DPP10: variants seen among roughly 807,000 people sequenced by gnomAD.
DPP10 encodes the protein dipeptidyl peptidase like 10, also known as inactive dipeptidyl peptidase 10.
Under a neutral mutation model 120.9 loss-of-function variants are expected in DPP10, and 33 were observed. That is an observed-to-expected ratio of 0.27 (90% CI 0.21 to 0.37). The LOEUF (loss-of-function observed/expected upper bound fraction) is 0.37, where lower values mean the gene tolerates loss of function less well. DPP10 is among the 10% of genes least tolerant of loss of function. The pLI, the probability that DPP10 is intolerant of heterozygous loss-of-function variation, is 1.00. For synonymous variants in DPP10, 337 were observed against 326.1 expected (o/e 1.03, Z -0.36); for missense variants, 816 against 942.8 (o/e 0.87, Z 1.76).
At position 115,652,246 on chromosome 2, in the gene DPP10, G is replaced by C. The variant is rs971210074; in HGVS notation, c.442-37441G>C. Among the ~76,000 whole-genome samples the C allele has an allele frequency of 4.6e-5, 7 of 151,880 alleles. No individual in the cohort carries two copies. In the East Asian group the frequency reaches 9.6e-4, roughly 21 times the overall value. On this transcript the variant is annotated intron_variant, in intron 5 of 25. Coordinates refer to ENST00000410059, the MANE Select transcript of DPP10 (RefSeq NM_020868.6). Reference sequence around the variant, plus strand: ...GTACAATGATTGCACCCATTTTACAGAGGACAGAAGTGAGAACTAGTAAAT... The same window carrying C: ...GTACAATGATTGCACCCATTTTACACAGGACAGAAGTGAGAACTAGTAAAT...
At chr2:114,964,336 C>T (rs1406603123) in intron 1 of DPP10, among the ~76,000 whole-genome samples, 2 of 152,020 alleles carry the variant, frequency 1.3e-5, no homozygotes, top group African/African-American at 4.8e-5. Context: ...ACAGTCAAAT[C>T]TTCTTCCTCT....
At chr2:114,616,987 C>T (rs1407587019) in intron 1 of DPP10, among the ~76,000 whole-genome samples, 1 of 152,082 alleles carries the variant, frequency 6.6e-6, no homozygotes, top group Non-Finnish European at 1.5e-5. Flanking sequence ...TCCCAACTCT[C>T]CCTTTACAGG....
At chr2:114,938,431 T>A (rs1232958845) in intron 1 of DPP10, among the ~76,000 whole-genome samples, 3 of 152,076 alleles carry the variant, frequency 2.0e-5, no homozygotes, top group African/African-American at 7.2e-5. Context: ...AAGATAAATA[T>A]AATAAAACAT....
intron 3 of DPP10, among the ~76,000 whole-genome samples, chr2:115,368,282 C>G (rs1367231871): frequency 6.6e-6 from 1 of 152,104 alleles, no homozygotes; most frequent in Non-Finnish European, 1.5e-5. Flanking sequence ...ATATTTCTCT[C>G]CTTTCCTTCT....
chr2:114,754,389 G>T (rs1171993058), intron 1 of DPP10, among the ~76,000 whole-genome samples: 5 of 152,184 alleles, frequency 3.3e-5, no homozygotes, highest in African/African-American at 1.2e-4. Flanking sequence ...GGCATTGAGA[G>T]CATAACTAGT....
intron 1 of DPP10, among the ~76,000 whole-genome samples, chr2:114,998,933 G>C (rs1433043723): frequency 2.0e-5 from 3 of 152,012 alleles, no homozygotes; most frequent in Admixed American, 6.6e-5. Flanking sequence ...CACTTTTCAG[G>C]GTTCATATGA....
chr2:115,673,200 T>C (rs1480004229), intron 5 of DPP10, among the ~76,000 whole-genome samples: 2 of 152,182 alleles, frequency 1.3e-5, no homozygotes, highest in African/African-American at 2.4e-5. Context: ...TGGGATTTAA[T>C]TGATATCCTT....
intron 1 of DPP10, among the ~76,000 whole-genome samples, chr2:114,579,195 A>G (rs1690292866): frequency 6.6e-6 from 1 of 152,152 alleles, no homozygotes; most frequent in African/African-American, 2.4e-5. Context: ...CTGGTTTCCG[A>G]TATGCAGTAC....
chr2:115,619,615 A>G (rs1394423388), intron 5 of DPP10, among the ~76,000 whole-genome samples: 1 of 152,104 alleles, frequency 6.6e-6, no homozygotes, highest in Admixed American at 6.5e-5. Context: ...CTGGAATTCT[A>G]CAGTCACCTG....
chr2:115,842,387 A>C lies in DPP10; in HGVS notation c.*42A>C. On this transcript the variant is annotated 3_prime_UTR_variant, in exon 26 of 26. Transcript: ENST00000410059. The stretch of plus-strand genomic sequence containing the variant: ...AGAACTGAAGGGAATATTGAGGCTC[A>C]ATGAAACCTGACAAAGAGACTGTAA... 6.3e-7 allele frequency: 1 copy of C among 1,583,462 alleles called. No individual in the cohort carries two copies. Among genetic ancestry groups the C allele is most frequent in the Non-Finnish European group, 8.6e-7 (1 of 1,160,646 alleles).
At chr2:114,923,619 C>G (rs1397186465) in intron 1 of DPP10, among the ~76,000 whole-genome samples, 2 of 151,548 alleles carry the variant, frequency 1.3e-5, no homozygotes, top group Non-Finnish European at 2.9e-5. Context: ...GCTAGGACTA[C>G]AGGCGCCCGC....
intron 1 of DPP10, among the ~76,000 whole-genome samples, chr2:114,533,450 TG>T (rs1686211497): frequency 6.6e-6 from 1 of 151,934 alleles, no homozygotes; most frequent in South Asian, 2.1e-4. Context: ...CAACACACAC[TG>T]GGGCCTGTTG....
intron 19 of DPP10, among the ~76,000 whole-genome samples, chr2:115,801,880 T>C (rs1685285581): frequency 6.6e-6 from 1 of 152,192 alleles, no homozygotes; most frequent in African/African-American, 2.4e-5. Context: ...TCAAGGATAT[T>C]GGTCTAAAAT....
chr2:115,188,240 C>T (rs563042528), intron 1 of DPP10, among the ~76,000 whole-genome samples: 12 of 152,210 alleles, frequency 7.9e-5, no homozygotes, highest in African/African-American at 1.9e-4. Flanking sequence ...GCTTTTCCTT[C>T]GTATTTTTTA....
intron 7 of DPP10, among the ~76,000 whole-genome samples, chr2:115,702,033 TAA>T (rs902079657): frequency 1.2e-4 from 19 of 152,158 alleles, no homozygotes; most frequent in African/African-American, 4.6e-4. Context: ...ATCAAAAGTT[TAA>T]GTTTGATAAT....
At chr2:114,678,655 C>T (rs929829073) in intron 1 of DPP10, among the ~76,000 whole-genome samples, 1 of 151,794 alleles carries the variant, frequency 6.6e-6, no homozygotes, top group African/African-American at 2.4e-5. Context: ...CTTTTAAATT[C>T]CAGCTATAAT....
At chr2:114,682,770 G>GTCTGTCTA (rs946271098) in intron 1 of DPP10, among the ~76,000 whole-genome samples, 30 of 149,596 alleles carry the variant, frequency 2.0e-4, no homozygotes, top group Middle Eastern at 3.4e-3. Flanking sequence ...CTATCTGTCT[G>GTCTGTCTA]TCTATCTATC....
intron 2 of DPP10, among the ~76,000 whole-genome samples, chr2:115,326,902 T>A (rs972928846): frequency 9.2e-5 from 14 of 151,888 alleles, no homozygotes; most frequent in Admixed American, 5.3e-4. Flanking sequence ...AGAAAGAAAA[T>A]TTTTTAATGC....
intron 5 of DPP10, among the ~76,000 whole-genome samples, chr2:115,571,944 G>A (rs754041662): frequency 3.3e-5 from 5 of 151,374 alleles, no homozygotes; most frequent in African/African-American, 7.3e-5. Context: ...AAATTATTAC[G>A]GACCATTTTT....
Sources: gnomAD v4.1 joint callset for allele counts (sites outside exome capture counted in the v4.1 genomes callset) on GRCh38, gnomAD v4.1.1 for gene constraint, MANE v1.5 for transcripts, NCBI Gene and HGNC (gene_info 2026-07-23, HGNC 2026-07-21) for gene names.